OPRD1: variants seen among roughly 807,000 people sequenced by gnomAD.
The protein encoded by OPRD1 is opioid receptor delta 1.
A neutral mutation model predicts 17.5 loss-of-function variants in OPRD1; 19 were observed. The ratio of observed to expected loss-of-function variants is 1.09; its 90% CI spans 0.76 to 1.60. OPRD1 has a LOEUF of 1.60. OPRD1 is among the 40% of genes most tolerant of loss of function. The pLI is 0.00. For missense variants in OPRD1, 483 were observed against 547.2 expected (o/e 0.88, Z 1.17); for synonymous variants, 256 against 240.9 (o/e 1.06, Z -0.58).
intron 1 of OPRD1, among the ~76,000 whole-genome samples, chr1:28,817,167 C>T (rs1311271310): frequency 1.3e-5 from 2 of 152,216 alleles, no homozygotes; most frequent in African/African-American, 4.8e-5. Context: ...TGATTTGTCT[C>T]CTTGTATCAA....
At chr1:28,841,335 C>T (rs888308075) in intron 1 of OPRD1, among the ~76,000 whole-genome samples, 1 of 152,220 alleles carries the variant, frequency 6.6e-6, no homozygotes, top group Non-Finnish European at 1.5e-5. Flanking sequence ...CAGCCCAGCC[C>T]GGCCCCTTGC....
chr1:28,830,053 T>C (rs1456521630), intron 1 of OPRD1, among the ~76,000 whole-genome samples: 5 of 152,126 alleles, frequency 3.3e-5, no homozygotes, highest in Non-Finnish European at 5.9e-5. Context: ...GAGTTATTAA[T>C]TGGCCTAATT....
chr1:28,826,689 T>G (rs901927225), intron 1 of OPRD1, among the ~76,000 whole-genome samples: 4 of 152,224 alleles, frequency 2.6e-5, no homozygotes, highest in African/African-American at 9.6e-5. Context: ...TGAAAGGTCT[T>G]ACCTCAATAT....
Position 28,863,162 on chromosome 1 carries a change from G to T in OPRD1, c.998G>T (p.Cys333Phe). Residue 333 changes from cysteine (C) to phenylalanine (F), a missense_variant, in exon 3 of 3, where the codon TGC becomes TTC. By Grantham distance (205) the Cys-to-Phe change is radical. Coordinates refer to ENST00000234961, the MANE Select transcript of OPRD1 (RefSeq NM_000911.4). Reference sequence around the variant, plus strand: ...TTCAAGCGCTGCTTCCGCCAGCTCTGCCGCAAGCCCTGCGGCCGCCCAGAC... The same window carrying T: ...TTCAAGCGCTGCTTCCGCCAGCTCTTCCGCAAGCCCTGCGGCCGCCCAGAC... ...ENFKRCFRQL[C>F]RKPCGRPDPS... 5.6e-6 allele frequency: 9 copies of T among 1,604,024 alleles called. No homozygotes were observed. Among genetic ancestry groups the T allele is most frequent in the Non-Finnish European group, 6.8e-6 (8 of 1,178,306 alleles).
chr1:28,849,498 ACACACACATG>A (rs1388512605), intron 1 of OPRD1, among the ~76,000 whole-genome samples: 7 of 152,152 alleles, frequency 4.6e-5, no homozygotes, highest in African/African-American at 1.7e-4. Flanking sequence ...ACACATACAC[ACACACACATG>A]CACACACACA....
intron 1 of OPRD1, among the ~76,000 whole-genome samples, chr1:28,843,708 C>T (rs2088916088): frequency 6.6e-6 from 1 of 151,614 alleles, no homozygotes; most frequent in Admixed American, 6.6e-5. Context: ...GCAACCTCAA[C>T]TTCGGGGTCA....
At chr1:28,819,679 G>A (rs1475634146) in intron 1 of OPRD1, among the ~76,000 whole-genome samples, 2 of 152,212 alleles carry the variant, frequency 1.3e-5, no homozygotes, top group African/African-American at 4.8e-5. Context: ...CAAGAGAGGG[G>A]TGGAGTCGAG....
chr1:28,850,024 T>C (rs189962), intron 1 of OPRD1, among the ~76,000 whole-genome samples: 3 of 150,668 alleles, frequency 2.0e-5, no homozygotes, highest in Non-Finnish European at 3.0e-5. Flanking sequence ...GGACTACAGG[T>C]GCCCGCCACT....
At chr1:28,843,309 C>A (rs1409356647) in intron 1 of OPRD1, among the ~76,000 whole-genome samples, 1 of 152,158 alleles carries the variant, frequency 6.6e-6, no homozygotes, top group African/African-American at 2.4e-5. Context: ...CCATTGTAAC[C>A]ATTTTTAAGG....
intron 1 of OPRD1, among the ~76,000 whole-genome samples, chr1:28,831,504 G>A (rs1299064347): frequency 1.1e-4 from 7 of 60,944 alleles, no homozygotes; most frequent in African/African-American, 3.2e-4. Flanking sequence ...GTGAGACTCC[G>A]TCTCAAAAAA....
intron 1 of OPRD1, among the ~76,000 whole-genome samples, chr1:28,851,676 A>G (rs2089003895): frequency 6.7e-6 from 1 of 150,146 alleles, no homozygotes; most frequent in African/African-American, 2.5e-5. Context: ...GTTCGAGACC[A>G]GCCTGACCAA....
rs914354706 is a variant in OPRD1, at chr1:28,859,419, T to C, written c.577+116T>C. 6 of 843,148 alleles carry C rather than the reference T, an allele frequency of 7.1e-6. No homozygotes were observed. In the African/African-American group the frequency reaches 8.6e-5, roughly 12 times the overall value. 52.2% of individuals were successfully genotyped at this position (843,148 alleles called of 1,614,324 possible). ...AGTGTAGGTGGCTCATCAGCAGAGG[T>C]TGGATTCTGATCAAGATCAATGATG... On this transcript the variant is annotated intron_variant, in intron 2 of 2. Coordinates refer to ENST00000234961, the MANE Select transcript of OPRD1 (RefSeq NM_000911.4).
chr1:28,842,254 G>T (rs10799122), intron 1 of OPRD1, among the ~76,000 whole-genome samples: 52,367 of 151,938 alleles, frequency 0.34, 9,232 homozygotes, highest in Middle Eastern at 0.47. Context: ...GGTCTCCAAC[G>T]CCTGAGCTCA....
At position 28,864,059 on chromosome 1, in the gene OPRD1, C is replaced by T. The variant is rs771613851; in HGVS notation, c.*776C>T. ...CGAGGCAGGTGGATGGACATGAGCC[C>T]AGGAGTTCGAGACTAGTCTGGGCAA... On this transcript the variant is annotated 3_prime_UTR_variant, in exon 3 of 3. Coordinates refer to ENST00000234961, the MANE Select transcript of OPRD1 (RefSeq NM_000911.4). The T allele has an allele frequency of 2.0e-5, 3 of 152,570 alleles. No homozygotes were observed. The highest frequency in any genetic ancestry group is 4.4e-5 in the Non-Finnish European group (3 of 68,388). The allele number at this position is 152,570 out of a possible 1,614,324, so 9.5% of individuals were successfully genotyped here.
chr1:28,843,956 C>T (rs1016071757), intron 1 of OPRD1, among the ~76,000 whole-genome samples: 40 of 152,122 alleles, frequency 2.6e-4, no homozygotes, highest in African/African-American at 8.0e-4. Flanking sequence ...CTGCTATGAA[C>T]ATGGGTATAC....
chr1:28,836,987 C>T (rs1247646984), intron 1 of OPRD1, among the ~76,000 whole-genome samples: 1 of 152,138 alleles, frequency 6.6e-6, no homozygotes, highest in Non-Finnish European at 1.5e-5. Context: ...TTATTGTGCA[C>T]TTTATTTCTA....
Position 28,863,130 on chromosome 1 carries a change from C to G in OPRD1, c.966C>G (p.Asp322Glu). ...SLNPVLYAFL[D>E]ENFKRCFRQL... The stretch of plus-strand genomic sequence containing the variant: ...ACCCCGTGCTCTACGCTTTCCTCGA[C>G]GAGAACTTCAAGCGCTGCTTCCGCC... Residue 322 changes from aspartate to glutamate, a missense_variant, in exon 3 of 3, where the codon GAC becomes GAG. Physicochemically the swap from Asp to Glu is conservative, Grantham distance 45 (BLOSUM62 2). Transcript: ENST00000234961. 1 of 1,609,654 alleles carries G rather than the reference C, an allele frequency of 6.2e-7. No individual in the cohort carries two copies. Among genetic ancestry groups the G allele is most frequent in the Non-Finnish European group, 8.5e-7 (1 of 1,179,258 alleles).
rs1395845634 is a variant in OPRD1, at chr1:28,867,988, T to C, written c.*4705T>C. On this transcript the variant is annotated 3_prime_UTR_variant, in exon 3 of 3. Transcript: ENST00000234961. ...CTGGCCCAGGAGCCACCATGGAGAG[T>C]GAGAAGCTGCCAGAGAAGCAGGAGG... The C allele has an allele frequency of 6.6e-6, 1 of 151,232 alleles. No individual in the cohort carries two copies. Among genetic ancestry groups the C allele is most frequent in the East Asian group, 1.9e-4 (1 of 5,144 alleles). 9.4% of individuals were successfully genotyped at this position (151,232 alleles called of 1,614,324 possible).
chr1:28,859,225 C>T lies in OPRD1; in HGVS notation c.499C>T (p.Leu167=), dbSNP rs975751238. ...LDFRTPAKAK[L]INICIWVLAS... is the part of the protein sequence containing the mutation. ...CTTCCGCACGCCTGCCAAGGCCAAG[C>T]TGATCAACATCTGTATCTGGGTCCT... The change falls in exon 2 of 3, where the codon CTG becomes TTG. Residue 167 remains leucine, a synonymous_variant. Transcript: ENST00000234961. 3 of 1,614,154 alleles carry T rather than the reference C, an allele frequency of 1.9e-6. No individual in the cohort carries two copies. The highest frequency in any genetic ancestry group is 2.5e-6 in the Non-Finnish European group (3 of 1,180,056).
Sources: gnomAD v4.1 joint callset for allele counts (sites outside exome capture counted in the v4.1 genomes callset) on GRCh38, gnomAD v4.1.1 for gene constraint, MANE v1.5 for transcripts, NCBI Gene and HGNC (gene_info 2026-07-23, HGNC 2026-07-21) for gene names.